The following SLC26A4 variants were observed in gnomAD, a reference collection of about 807,000 sequenced individuals.
SLC26A4 encodes pendrin.
In SLC26A4, 93 loss-of-function variants were observed where a neutral mutation model predicts 90.4. The observed-to-expected ratio is 1.03, with a 90% confidence interval of 0.87 to 1.22. The LOEUF is 1.22. SLC26A4 is among the 50% of genes most tolerant of loss of function. SLC26A4 has a pLI of 0.00. For synonymous variants in SLC26A4, 393 were observed against 354.6 expected (o/e 1.11, Z -1.22); for missense variants, 1,127 against 946.2 (o/e 1.19, Z -2.51).
chr7:107,679,959 A>AATCTTATTATATAATATAATCTT lies in SLC26A4; in HGVS notation c.766-3240_766-3218dup, dbSNP rs1562826969. The stretch of plus-strand genomic sequence containing the variant: ...TATATAATCTTATCTTATATAATAT[A>AATCTTATTATATAATATAATCTT]ATCTTATTATATAATATAATCTTAT... On this transcript the variant is annotated intron_variant, in intron 6 of 20. Transcript: ENST00000644269. Among the ~76,000 whole-genome samples the AATCTTATTATATAATATAATCTT allele has an allele frequency of 1.9e-3, 232 of 124,032 alleles. 26 individuals carry two copies. Among genetic ancestry groups the AATCTTATTATATAATATAATCTT allele is most frequent in the African/African-American group, 2.8e-3 (80 of 28,368 alleles). 81.4% of individuals were successfully genotyped at this position (124,032 alleles called of 152,430 possible).
intron 18 of SLC26A4, among the ~76,000 whole-genome samples, chr7:107,708,429 A>G (rs1026652810): frequency 6.6e-6 from 1 of 152,126 alleles, no homozygotes; most frequent in African/African-American, 2.4e-5. Context: ...ATCTCTTCAT[A>G]CTTGTAAATT....
At chr7:107,685,326 AC>A (rs1791366438) in intron 8 of SLC26A4, among the ~76,000 whole-genome samples, 1 of 152,180 alleles carries the variant, frequency 6.6e-6, no homozygotes, top group Non-Finnish European at 1.5e-5. Context: ...ATATTAACAA[AC>A]CTGAAAAAGA....
chr7:107,711,554 C>G (rs1792187306), intron 19 of SLC26A4, among the ~76,000 whole-genome samples: 1 of 152,164 alleles, frequency 6.6e-6, no homozygotes, highest in African/African-American at 2.4e-5. Context: ...TACATACTTA[C>G]TGGTCCACTA....
At position 107,661,556 on chromosome 7, in the gene SLC26A4, C is replaced by G. The variant is rs774271773; in HGVS notation, c.-3-83C>G. The stretch of plus-strand genomic sequence containing the variant: ...CCTGGCTGCAGCTAACAGGTGATCC[C>G]GTTCTTTCTGTTCCTCGCTCTTCCC... On this transcript the variant is annotated intron_variant, in intron 1 of 20. Transcript: ENST00000644269. This position sits in a 1 kb window ranked among gnomAD's most constrained non-coding sequence, Gnocchi z 5.1. 1.6e-5 allele frequency: 22 copies of G among 1,415,702 alleles called. No individual in the cohort carries two copies. The highest frequency in any genetic ancestry group is 9.9e-5 in the African/African-American group (7 of 70,636). 87.7% of individuals were successfully genotyped at this position (1,415,702 alleles called of 1,614,324 possible). A position where few individuals can be genotyped will look rare whatever the true frequency, so the allele number is the denominator to read the frequency against.
chr7:107,662,730 TA>T (rs1035016732), intron 2 of SLC26A4, among the ~76,000 whole-genome samples: 3 of 152,154 alleles, frequency 2.0e-5, no homozygotes, highest in Admixed American at 6.5e-5. Flanking sequence ...ATGCCTTAAT[TA>T]AAAAACAATT....
At chr7:107,673,399 T>C (rs927696957) in intron 4 of SLC26A4, among the ~76,000 whole-genome samples, 3 of 152,184 alleles carry the variant, frequency 2.0e-5, no homozygotes, top group Non-Finnish European at 4.4e-5. Flanking sequence ...TTTTTAATCC[T>C]AACTTCGACC....
intron 6 of SLC26A4, among the ~76,000 whole-genome samples, chr7:107,677,837 G>A (rs746988839): frequency 1.3e-5 from 2 of 151,946 alleles, no homozygotes; most frequent in African/African-American, 2.4e-5. Context: ...GGTTAGTCTC[G>A]AACTCCTGAG....
At chr7:107,684,385 C>T (rs1260513467) in intron 8 of SLC26A4, among the ~76,000 whole-genome samples, 1 of 152,078 alleles carries the variant, frequency 6.6e-6, no homozygotes, top group Non-Finnish European at 1.5e-5. Context: ...GAGGGAAGGG[C>T]ACGGAGCCAC....
At position 107,661,346 on chromosome 7, in the gene SLC26A4, C is replaced by A; in HGVS notation, c.-3-293C>A. 1 of 530,316 alleles carries A rather than the reference C, an allele frequency of 1.9e-6. No individual in the cohort carries two copies. Among genetic ancestry groups the A allele is most frequent in the East Asian group, 3.4e-5 (1 of 29,658 alleles). 32.9% of individuals were successfully genotyped at this position (530,316 alleles called of 1,614,324 possible). A position where few individuals can be genotyped will look rare whatever the true frequency, so the allele number is the denominator to read the frequency against. On this transcript the variant is annotated intron_variant, in intron 1 of 20. Coordinates refer to ENST00000644269, the MANE Select transcript of SLC26A4 (RefSeq NM_000441.2). This position sits in a 1 kb window ranked among gnomAD's most constrained non-coding sequence, Gnocchi z 5.1. ...GCGGGCCATAGGGGACTGGGTGGAA[C>A]TCGGGAAGCCCCCAGAGCAGGGGCT...
chr7:107,674,191 T>C lies in SLC26A4; in HGVS notation c.443T>C (p.Val148Ala), dbSNP rs1196322920. 6.2e-7 allele frequency: 1 copy of C among 1,614,048 alleles called. No individual in the cohort carries two copies. Among genetic ancestry groups the C allele is most frequent in the Non-Finnish European group, 8.5e-7 (1 of 1,180,024 alleles). ...CCTTTTCCAGTGGTGAGTTTAATGG[T>C]GGGATCTGTTGTTCTGAGCATGGCC... ...VGPFPVVSLMVGSVVLSMAPD... is the reference protein window; with the variant it reads ...VGPFPVVSLMAGSVVLSMAPD... Residue 148 changes from valine (V) to alanine (A), a missense_variant, in exon 5 of 21, where the codon GTG becomes GCG. Coordinates refer to ENST00000644269, the MANE Select transcript of SLC26A4 (RefSeq NM_000441.2).
intron 14 of SLC26A4, among the ~76,000 whole-genome samples, chr7:107,699,763 T>C (rs1286185113): frequency 6.6e-6 from 1 of 152,010 alleles, no homozygotes; most frequent in Non-Finnish European, 1.5e-5. Context: ...ACTCTGTCTC[T>C]ACTAAAAATG....
intron 18 of SLC26A4, among the ~76,000 whole-genome samples, chr7:107,708,398 A>G (rs985532380): frequency 6.6e-6 from 1 of 151,982 alleles, no homozygotes; most frequent in Non-Finnish European, 1.5e-5. Flanking sequence ...AGAAAAAATT[A>G]CTCTCTTTTC....
At chr7:107,681,053 G>C (rs574342497) in intron 6 of SLC26A4, among the ~76,000 whole-genome samples, 1 of 152,114 alleles carries the variant, frequency 6.6e-6, no homozygotes, top group Non-Finnish European at 1.5e-5. Context: ...TCTTGTTATC[G>C]TGTCTGCTGG....
At chr7:107,689,031 T>G (rs1391074521) in intron 8 of SLC26A4, 22 bp from the exon 9 acceptor site, 2 of 1,613,492 alleles carry the variant, frequency 1.2e-6, no homozygotes, top group Non-Finnish European at 1.7e-6. Context: ...TTCACAGCAT[T>G]TTTCACTTAA....
Position 107,683,557 on chromosome 7 carries a change from T to C in SLC26A4, c.1001+20T>C. The C allele has an allele frequency of 6.3e-7, 1 of 1,583,356 alleles. No individual in the cohort carries two copies. The highest frequency in any genetic ancestry group is 8.7e-7 in the Non-Finnish European group (1 of 1,152,384). On this transcript the variant is annotated intron_variant, in intron 8 of 20. Coordinates refer to ENST00000644269, the MANE Select transcript of SLC26A4 (RefSeq NM_000441.2). ...AAGGGGGTGAGTGTGGTGTTCCTCT[T>C]AGTACTAATACATTAAGTCAGTAAG...
At chr7:107,693,416 A>G in intron 10 of SLC26A4, 7 of 985,428 alleles carry the variant, frequency 7.1e-6, no homozygotes, top group Non-Finnish European at 8.4e-6. Context: ...TTTTCTGTTT[A>G]TATTTGCTGT....
Position 107,695,949 on chromosome 7 carries a change from C to T in SLC26A4, c.1454C>T (p.Thr485Met), listed in dbSNP as rs370029782. The change falls in exon 13 of 21, where the codon ACG becomes ATG. Residue 485 changes from threonine to methionine, a missense_variant. Physicochemically the swap from Thr to Met is moderately conservative, Grantham distance 81. Coordinates refer to ENST00000644269, the MANE Select transcript of SLC26A4 (RefSeq NM_000441.2). ...NKIDAVIWVF[T>M]CIVSIILGLD... ...TTTCCCTAGGTTATCTGGGTGTTTACGTGTATAGTGTCCATCATTCTGGGG... is the reference window on the plus strand; with the variant it reads ...TTTCCCTAGGTTATCTGGGTGTTTATGTGTATAGTGTCCATCATTCTGGGG... 4.8e-5 allele frequency: 77 copies of T among 1,599,856 alleles called. No individual in the cohort carries two copies. The Middle Eastern group carries it at 1.8e-3, about 38-fold the overall frequency.
rs1014295513 is a variant in SLC26A4, at chr7:107,661,927, G to T, written c.164+122G>T. ...GCGGCGGAGCCCCTGGGCGCCAGCT[G>T]CTTCTCCCAGAGGCCCGACTTTCGG... is the stretch of plus-strand genomic sequence containing the variant. On this transcript the variant is annotated intron_variant, in intron 2 of 20. Transcript: ENST00000644269. The surrounding 1 kb of genome is among the most constrained non-coding windows in gnomAD (Gnocchi z 5.1). 3.3e-5 allele frequency: 37 copies of T among 1,135,164 alleles called. No homozygotes were observed. The highest frequency in any genetic ancestry group is 4.3e-5 in the Non-Finnish European group (35 of 821,718). 70.3% of individuals were successfully genotyped at this position (1,135,164 alleles called of 1,614,324 possible).
intron 8 of SLC26A4, among the ~76,000 whole-genome samples, chr7:107,686,122 T>A (rs1057461644): frequency 1.3e-5 from 2 of 151,780 alleles, no homozygotes; most frequent in Non-Finnish European, 2.9e-5. Context: ...TGTGTGTGTG[T>A]GTATAAACCC....
Sources: gnomAD v4.1 joint callset for allele counts (sites outside exome capture counted in the v4.1 genomes callset) on GRCh38, gnomAD v4.1.1 for gene constraint, Gnocchi (gnomAD v3.1) non-coding constraint, MANE v1.5 for transcripts, NCBI Gene and HGNC (gene_info 2026-07-23, HGNC 2026-07-21) for gene names.